The following THRAP3 variants were observed in gnomAD, a reference collection of about 807,000 sequenced individuals.
THRAP3 encodes the protein thyroid hormone receptor-associated protein 3.
A neutral mutation model predicts 101.0 loss-of-function variants in THRAP3; 16 were observed. The ratio of observed to expected loss-of-function variants is 0.16; its 90% CI spans 0.11 to 0.24. The LOEUF (loss-of-function observed/expected upper bound fraction) is 0.24. Among genes scored for constraint, THRAP3 ranks in the 10% least tolerant of loss-of-function variants. The pLI, the probability that THRAP3 is intolerant of heterozygous loss-of-function variation, is 1.00. For synonymous variants in THRAP3, 407 were observed against 422.6 expected (o/e 0.96, Z 0.45); for missense variants, 989 against 1,202.7 (o/e 0.82, Z 2.63).
At chr1:36,212,162 G>A in the THRAP3 span, among the ~76,000 whole-genome samples, 2 of 152,138 alleles carry the variant, frequency 1.3e-5, no homozygotes, top group African/African-American at 4.8e-5. Flanking sequence ...GCCTCTAAAT[G>A]GTGGCAGAGA....
At chr1:36,227,962 G>A (rs1454277112) in intron 1 of THRAP3, among the ~76,000 whole-genome samples, 2 of 151,680 alleles carry the variant, frequency 1.3e-5, no homozygotes, top group Admixed American at 6.6e-5. Context: ...TGCATCCACC[G>A]CCTCCTGGGT....
At chr1:36,280,930 T>A (rs1414915702) in intron 2 of THRAP3, among the ~76,000 whole-genome samples, 4 of 148,630 alleles carry the variant, frequency 2.7e-5, no homozygotes, top group Non-Finnish European at 6.0e-5. Context: ...TATTTTTATT[T>A]ATTTTTTTTT....
At chr1:36,220,970 A>ATATAT (rs1483311673), upstream of THRAP3, among the ~76,000 whole-genome samples, 4 of 128,422 alleles carry the variant, frequency 3.1e-5, no homozygotes, top group African/African-American at 9.9e-5. Context: ...AAAAAAAAAA[A>ATATAT]AAATATATAT....
At chr1:36,249,247 A>G (rs892199835) in intron 1 of THRAP3, among the ~76,000 whole-genome samples, 16 of 142,202 alleles carry the variant, frequency 1.1e-4, no homozygotes, top group African/African-American at 3.9e-4. Context: ...GCTGGAATGC[A>G]GTGGCGCAAG....
At chr1:36,274,789 C>T (rs914121053) in intron 2 of THRAP3, among the ~76,000 whole-genome samples, 1 of 151,088 alleles carries the variant, frequency 6.6e-6, no homozygotes, top group Non-Finnish European at 1.5e-5. Context: ...CGCGCCATCA[C>T]GCCCAGCTAA....
chr1:36,256,078 G>T (rs574635602), intron 1 of THRAP3, among the ~76,000 whole-genome samples: 1 of 152,024 alleles, frequency 6.6e-6, no homozygotes, highest in South Asian at 2.1e-4. Context: ...GTGCAGTAGT[G>T]TGAACATGGC....
At chr1:36,270,578 T>TTTGTTTGTTTGTTTTTTG (rs1412645462) in intron 2 of THRAP3, among the ~76,000 whole-genome samples, 382 of 4,632 alleles carry the variant, frequency 0.082, 8 homozygotes, top group African/African-American at 0.12. Context: ...TAGGTTTTTG[T>TTTGTTTGTTTGTTTTTTG]TTTTTTTTTT....
At chr1:36,215,413 G>A in the THRAP3 span, among the ~76,000 whole-genome samples, 4 of 152,194 alleles carry the variant, frequency 2.6e-5, no homozygotes, top group East Asian at 1.9e-4. Context: ...GATGTGCCAC[G>A]TTCCTTCAGG....
chr1:36,239,300 C>G (rs1645127804), intron 1 of THRAP3, among the ~76,000 whole-genome samples: 1 of 145,662 alleles, frequency 6.9e-6, no homozygotes, highest in Non-Finnish European at 1.5e-5. Context: ...CGCTCTATTA[C>G]CCGGGCTGGA....
rs1646076544 is a variant in THRAP3 at position 36,304,654 on chromosome 1, G to A, written c.*637G>A. ...TTTAAGGCCTTTCCGACCACCTTGTGTTCCCCTTTTCTGCGCAGCCATGTA... is the reference window on the plus strand; with the variant it reads ...TTTAAGGCCTTTCCGACCACCTTGTATTCCCCTTTTCTGCGCAGCCATGTA... On this transcript the variant is annotated 3_prime_UTR_variant, in exon 12 of 12. Coordinates refer to ENST00000354618, the MANE Select transcript of THRAP3 (RefSeq NM_005119.4). 1 of 220,580 alleles carries A rather than the reference G, an allele frequency of 4.5e-6. No homozygotes were observed. Among genetic ancestry groups the A allele is most frequent in the Non-Finnish European group, 9.1e-6 (1 of 109,870 alleles). The allele number at this position is 220,580 out of a possible 1,614,324, so 13.7% of individuals were successfully genotyped here. A position where few individuals can be genotyped will look rare whatever the true frequency, so the allele number is the denominator to read the frequency against.
At chr1:36,298,500 ATTT>A (rs1340625355) in intron 9 of THRAP3, among the ~76,000 whole-genome samples, 1 of 151,962 alleles carries the variant, frequency 6.6e-6, no homozygotes, top group Non-Finnish European at 1.5e-5. Context: ...ATTTATTTTT[ATTT>A]TTTATTTTTT....
At chr1:36,268,538 G>A (rs1645544554) in intron 2 of THRAP3, among the ~76,000 whole-genome samples, 1 of 152,136 alleles carries the variant, frequency 6.6e-6, no homozygotes, top group African/African-American at 2.4e-5. Flanking sequence ...ACCTTGCTGT[G>A]TCCTCCAGGC....
the THRAP3 span, among the ~76,000 whole-genome samples, chr1:36,210,313 C>T: frequency 3.5e-5 from 5 of 143,000 alleles, no homozygotes; most frequent in Non-Finnish European, 6.0e-5. Context: ...TTGCAGTGAG[C>T]GGAGATAGCG....
At chr1:36,243,651 G>GAAAA (rs1557813025) in intron 1 of THRAP3, among the ~76,000 whole-genome samples, 141 of 152,164 alleles carry the variant, frequency 9.3e-4, no homozygotes, top group Middle Eastern at 6.8e-3. Flanking sequence ...CCCACCCTTC[G>GAAAA]CCCCCTTCTA....
intron 2 of THRAP3, among the ~76,000 whole-genome samples, chr1:36,277,157 T>C (rs901353497): frequency 1.3e-5 from 2 of 151,682 alleles, no homozygotes; most frequent in African/African-American, 2.4e-5. Flanking sequence ...TTAGTAGAGA[T>C]AGGGTTTCAC....
At chr1:36,288,012 C>G in intron 4 of THRAP3, 1 of 949,372 alleles carries the variant, frequency 1.1e-6, no homozygotes, top group Non-Finnish European at 1.3e-6. Context: ...TTTCTTTTAT[C>G]GTATTTAGCA....
chr1:36,263,307 C>T (rs1645472215), intron 2 of THRAP3, among the ~76,000 whole-genome samples: 1 of 151,960 alleles, frequency 6.6e-6, no homozygotes, highest in Non-Finnish European at 1.5e-5. Flanking sequence ...ACTATGTTGC[C>T]CAGGCTGGTC....
At chr1:36,282,723 A>T (rs1645749453) in intron 3 of THRAP3, 23 bp downstream of exon 3, 11 of 1,613,276 alleles carry the variant, frequency 6.8e-6, no homozygotes, top group Non-Finnish European at 9.3e-6. Context: ...GACTTTGTAT[A>T]TTGAGATAAT....
chr1:36,221,058 A>G (rs1413871254), upstream of THRAP3, among the ~76,000 whole-genome samples: 1 of 145,086 alleles, frequency 6.9e-6, no homozygotes, highest in Non-Finnish European at 1.5e-5. Flanking sequence ...GGTGGTATGC[A>G]CTTGTAGTCC....
Sources: gnomAD v4.1 joint callset for allele counts (sites outside exome capture counted in the v4.1 genomes callset) on GRCh38, gnomAD v4.1.1 for gene constraint, MANE v1.5 for transcripts, NCBI Gene and HGNC (gene_info 2026-07-23, HGNC 2026-07-21) for gene names.